The following GRIP2 variants were observed in gnomAD, a reference collection of about 807,000 sequenced individuals.
The protein encoded by GRIP2 is glutamate receptor-interacting protein 2.
In GRIP2, 58 loss-of-function variants were observed where a neutral mutation model predicts 108.3. That is an observed-to-expected ratio of 0.54 (90% CI 0.43 to 0.67). The LOEUF is 0.67. Among genes scored for constraint, GRIP2 ranks in the 30% least tolerant of loss-of-function variants. The pLI, the probability that GRIP2 is intolerant of heterozygous loss-of-function variation, is 0.00. For synonymous variants in GRIP2, 586 were observed against 598.2 expected, an observed-to-expected ratio of 0.98 and a Z score of 0.30; for missense variants, 1,278 against 1,430.6, an observed-to-expected ratio of 0.89 and a Z score of 1.72.
At chr3:14,508,999 C>T (rs1289287549) in intron 17 of GRIP2, among the ~76,000 whole-genome samples, 1 of 152,012 alleles carries the variant, frequency 6.6e-6, no homozygotes, top group African/African-American at 2.4e-5. Flanking sequence ...CAGCAGGTGC[C>T]CAGTACATGC....
upstream of GRIP2, among the ~76,000 whole-genome samples, chr3:14,545,432 G>C (rs1207676636): frequency 6.6e-6 from 1 of 152,200 alleles, no homozygotes; most frequent in Non-Finnish European, 1.5e-5. Flanking sequence ...GAGTCAGGAG[G>C]GCCAACGCAG....
chr3:14,572,885 G>A, the GRIP2 span: 6 of 1,261,240 alleles, frequency 4.8e-6, no homozygotes, highest in Admixed American at 3.4e-5. Context: ...ACTTCTCGCA[G>A]AAATTATCAG....
chr3:14,517,658 C>T (rs1356802695), intron 10 of GRIP2, 114 bp downstream of exon 10: 8 of 1,373,554 alleles, frequency 5.8e-6, no homozygotes, highest in Non-Finnish European at 8.0e-6. Context: ...TGCACCACCA[C>T]ACCCAGCTCA....
rs1162645957 is a variant in GRIP2 at position 14,511,094 on chromosome 3, A to G, written c.1933+71T>C. 19 of 1,566,894 alleles carry G rather than the reference A, an allele frequency of 1.2e-5. No homozygotes were observed. Among genetic ancestry groups the G allele is most frequent in the Non-Finnish European group, 1.6e-5 (19 of 1,152,408 alleles). On this transcript the variant is annotated intron_variant, in intron 16 of 23. Coordinates refer to ENST00000621039, the MANE Select transcript of GRIP2 (RefSeq NM_001080423.4). This position sits in a 1 kb window ranked among gnomAD's most constrained non-coding sequence, Gnocchi z 4.1. Reference sequence around the variant, plus strand: ...CCTTCCTCGGCTGGAGGGAGCCCTGAATTGCAAGCTGGGAACCCGCTAGTC... The same window carrying G: ...CCTTCCTCGGCTGGAGGGAGCCCTGGATTGCAAGCTGGGAACCCGCTAGTC...
In GRIP2 at chr3:14,511,249, A is replaced by T. The variant is rs1167242988; in HGVS notation, c.1849T>A (p.Cys617Ser). 6.2e-7 allele frequency: 1 copy of T among 1,614,006 alleles called. No homozygotes were observed. Among genetic ancestry groups the T allele is most frequent in the Non-Finnish European group, 8.5e-7 (1 of 1,179,876 alleles). Residue 617 changes from cysteine (C) to serine (S), a missense_variant, in exon 16 of 24, where the codon TGC (cysteine) becomes AGC (serine). By Grantham distance (112) the Cys-to-Ser change is moderately radical (BLOSUM62 -1). Coordinates refer to ENST00000621039, the MANE Select transcript of GRIP2 (RefSeq NM_001080423.4). The surrounding 1 kb of genome is among the most constrained non-coding windows in gnomAD (Gnocchi z 4.1). Reference sequence around the variant, plus strand: ...ATTTGCACGGCGTCCTCCATGGGGCAGTTGTCCAGGCGGATATTGTCAATG... The same window carrying T: ...ATTTGCACGGCGTCCTCCATGGGGCTGTTGTCCAGGCGGATATTGTCAATG... ...LAIDNIRLDN[C>S]PMEDAVQILR...
chr3:14,581,054 G>C, the GRIP2 span, among the ~76,000 whole-genome samples: 1 of 152,212 alleles, frequency 6.6e-6, no homozygotes, highest in Non-Finnish European at 1.5e-5. Context: ...CTCTTCCTCT[G>C]TCTTTCTGGA....
rs556520266 is a variant in GRIP2, at chr3:14,520,362, T to C, written c.860+28A>G. ...CGCCTCTCCCCTGCACACACCTCCA[T>C]GGTGGCAGCACCCAGGGTGTGCCTT... On this transcript the variant is annotated intron_variant, in intron 8 of 23. Transcript: ENST00000621039. 5.0e-6 allele frequency: 8 copies of C among 1,610,742 alleles called. No homozygotes were observed. In the African/African-American group the frequency reaches 6.7e-5, roughly 13 times the overall value.
At chr3:14,517,933 G>A in intron 9 of GRIP2, 36 bp from the exon 10 acceptor site, 1 of 1,499,944 alleles carries the variant, frequency 6.7e-7, no homozygotes, top group Non-Finnish European at 8.9e-7. Flanking sequence ...GAGAGGTGCA[G>A]GCGTTAGTGG....
At chr3:14,524,263 T>C (rs897630748) in intron 4 of GRIP2, 130 bp downstream of exon 4, 24 of 1,087,230 alleles carry the variant, frequency 2.2e-5, no homozygotes, top group Middle Eastern at 6.2e-4. Flanking sequence ...GTATGGATGC[T>C]TGTGGCCAGT....
the GRIP2 span, chr3:14,573,474 T>C: frequency 9.1e-6 from 14 of 1,542,208 alleles, no homozygotes; most frequent in Non-Finnish European, 1.3e-5. Flanking sequence ...GTCAGGCACC[T>C]CAGGGTTGAG....
chr3:14,495,392 G>A (rs887125824), intron 22 of GRIP2, among the ~76,000 whole-genome samples: 1 of 152,022 alleles, frequency 6.6e-6, no homozygotes, highest in Non-Finnish European at 1.5e-5. Flanking sequence ...TATCTTTTTT[G>A]TTGTTGTTGT....
rs1277645679 is a variant in GRIP2, at chr3:14,512,956, G to A, written c.1640-99C>T. ...TTCTGGCTGTGCTGGGAGTGACCCC[G>A]AAAGTCACAGTTCTAATCTCATCCC... On this transcript the variant is annotated intron_variant, in intron 13 of 23. Transcript: ENST00000621039. This position sits in a 1 kb window ranked among gnomAD's most constrained non-coding sequence, Gnocchi z 5.1. 8.8e-6 allele frequency: 9 copies of A among 1,017,896 alleles called. No homozygotes were observed. The highest frequency in any genetic ancestry group is 4.1e-4 in the Middle Eastern group (2 of 4,864). 63.1% of individuals were successfully genotyped at this position (1,017,896 alleles called of 1,614,324 possible).
At chr3:14,583,852 C>T in the GRIP2 span, among the ~76,000 whole-genome samples, 1 of 152,198 alleles carries the variant, frequency 6.6e-6, no homozygotes, top group Non-Finnish European at 1.5e-5. Context: ...CAAGTTCCTT[C>T]CCTCCTCCTC....
intron 11 of GRIP2, among the ~76,000 whole-genome samples, chr3:14,516,725 G>A (rs1051168346): frequency 3.9e-5 from 6 of 152,116 alleles, no homozygotes; most frequent in African/African-American, 1.4e-4. Context: ...GAATGAATCA[G>A]GACTGAATGG....
At chr3:14,563,449 G>A in the GRIP2 span, among the ~76,000 whole-genome samples, 11 of 152,104 alleles carry the variant, frequency 7.2e-5, no homozygotes, top group African/African-American at 1.4e-4. Flanking sequence ...AAGAGGGAGG[G>A]TGCCTTGGTG....
chr3:14,509,263 G>C (rs1694016356), intron 17 of GRIP2, among the ~76,000 whole-genome samples: 1 of 152,216 alleles, frequency 6.6e-6, no homozygotes, highest in African/African-American at 2.4e-5. Context: ...TTCCTTGCCT[G>C]CCGGATTCAT....
Position 14,517,501 on chromosome 3 carries a change from T to C in GRIP2, c.1156+271A>G, listed in dbSNP as rs899273589. The stretch of plus-strand genomic sequence containing the variant: ...GCCACCTAATCTCTCTCTCTTTTTT[T>C]TTTTTTTTTTTTTTTTTTTAGTTGA... On this transcript the variant is annotated intron_variant, in intron 10 of 23. Coordinates refer to ENST00000621039, the MANE Select transcript of GRIP2 (RefSeq NM_001080423.4). 7.3e-4 allele frequency among the ~76,000 whole-genome samples: 94 copies of C among 128,444 alleles called. 2 individuals carry two copies. Among genetic ancestry groups the C allele is most frequent in the African/African-American group, 2.6e-3 (81 of 30,920 alleles). 84.3% of individuals were successfully genotyped at this position (128,444 alleles called of 152,430 possible).
chr3:14,504,451 A>G (rs1693862084), intron 20 of GRIP2, among the ~76,000 whole-genome samples: 1 of 151,774 alleles, frequency 6.6e-6, no homozygotes, highest in African/African-American at 2.4e-5. Context: ...AGCTAGGACC[A>G]CAGGCATGCG....
chr3:14,528,230 G>C (rs559069814), intron 1 of GRIP2, among the ~76,000 whole-genome samples: 3 of 152,204 alleles, frequency 2.0e-5, no homozygotes, highest in Non-Finnish European at 4.4e-5. Flanking sequence ...AGTGTCGTGT[G>C]TATCAGTAGT....
Sources: allele counts gnomAD v4.1 joint callset (sites outside exome capture counted in the v4.1 genomes callset), GRCh38; gene constraint gnomAD v4.1.1; non-coding constraint Gnocchi (gnomAD v3.1); transcripts MANE v1.5; gene names NCBI Gene and HGNC (gene_info 2026-07-23, HGNC 2026-07-21).